KANK1: variants seen among roughly 807,000 people sequenced by gnomAD.
KANK1 encodes the protein KN motif and ankyrin repeat domain-containing protein 1.
Under a neutral mutation model 106.2 loss-of-function variants are expected in KANK1, and 109 were observed. The observed-to-expected ratio is 1.03, with a 90% confidence interval of 0.88 to 1.20. KANK1 has a LOEUF of 1.20. Among genes scored for constraint, KANK1 ranks in the 50% most tolerant of loss-of-function variants. The pLI, the probability that KANK1 is intolerant of heterozygous loss-of-function variation, is 0.00. For synonymous variants in KANK1, 873 were observed against 652.2 expected, an observed-to-expected ratio of 1.34 and a Z score of -5.16; for missense variants, 2,399 against 1,710.7, an observed-to-expected ratio of 1.40 and a Z score of -7.10.
chr9:683,051 C>A (rs1817884752), intron 2 of KANK1, among the ~76,000 whole-genome samples: 1 of 152,132 alleles, frequency 6.6e-6, no homozygotes, highest in Non-Finnish European at 1.5e-5. Context: ...TGGCTAGAAC[C>A]CACCTGGTGT....
At chr9:740,658 G>C (rs1272423813) in intron 8 of KANK1, 134 bp from the exon 9 acceptor site, 5 of 968,142 alleles carry the variant, frequency 5.2e-6, no homozygotes, top group Non-Finnish European at 7.6e-6. Context: ...TTCCTTCTAA[G>C]TCACTCTTGG....
chr9:712,989 G>A lies in KANK1; in HGVS notation c.2223G>A (p.Leu741=). ...CGCGGTCCATTGGTGTTGGAACGTTGCTTTCTGGCCATTCTGGGTTTGACA... is the reference window on the plus strand; with the variant it reads ...CGCGGTCCATTGGTGTTGGAACGTTACTTTCTGGCCATTCTGGGTTTGACA... ...TKTRSIGVGT[L]LSGHSGFDRP... The change falls in exon 3 of 12, where the codon TTG becomes TTA. Residue 741 remains leucine, a synonymous_variant. Coordinates refer to ENST00000382297, the MANE Select transcript of KANK1 (RefSeq NM_015158.5). 1 of 1,614,218 alleles carries A rather than the reference G, an allele frequency of 6.2e-7. No homozygotes were observed. The highest frequency in any genetic ancestry group is 1.3e-5 in the African/African-American group (1 of 75,062).
chr9:486,351 C>T (rs1282005607), intron 3 of KANK1, among the ~76,000 whole-genome samples: 1 of 152,170 alleles, frequency 6.6e-6, no homozygotes, highest in African/African-American at 2.4e-5. Context: ...TAATCATCAT[C>T]GTCGTCATGA....
At chr9:688,925 C>T (rs1819206431) in intron 2 of KANK1, among the ~76,000 whole-genome samples, 1 of 152,174 alleles carries the variant, frequency 6.6e-6, no homozygotes, top group African/African-American at 2.4e-5. Context: ...GCCTGCTTTC[C>T]TTCTTTCCCA....
chr9:657,328 G>A (rs1842366847), intron 1 of KANK1, among the ~76,000 whole-genome samples: 1 of 152,146 alleles, frequency 6.6e-6, no homozygotes, highest in Non-Finnish European at 1.5e-5. Context: ...ATTCTGTAGT[G>A]AACATGGGGA....
rs991632178 is a variant in KANK1, at chr9:684,326, C to G, written c.37+7317C>G. The G allele has an allele frequency of 7.1e-6, 7 of 985,250 alleles. No individual in the cohort carries two copies. In the African/African-American group the frequency reaches 1.2e-4, roughly 17 times the overall value. 61.0% of individuals were successfully genotyped at this position (985,250 alleles called of 1,614,324 possible). A position where few individuals can be genotyped will look rare whatever the true frequency, so the allele number is the denominator to read the frequency against. ...AAGGAGAAAAATCTGTGCTCCTGCTCCTGGGTACTGGGCAAAGAAACCCTT... is the reference window on the plus strand; with the variant it reads ...AAGGAGAAAAATCTGTGCTCCTGCTGCTGGGTACTGGGCAAAGAAACCCTT... On this transcript the variant is annotated intron_variant, in intron 2 of 11. Coordinates refer to ENST00000382297, the MANE Select transcript of KANK1 (RefSeq NM_015158.5).
Position 518,857 on chromosome 9 carries a change from G to A in KANK1, c.-84+14103G>A, listed in dbSNP as rs917830055. Among the ~76,000 whole-genome samples, 10 of 151,308 alleles carry A rather than the reference G, an allele frequency of 6.6e-5. 1 individual carries two copies. The highest frequency in any genetic ancestry group is 1.2e-4 in the African/African-American group (5 of 40,834). ...TTGTAGGAAACCACAACTCCATGAA[G>A]CCTATATGGAGTTTCTTAGCATTGT... On this transcript the variant is annotated intron_variant, in intron 1 of 11. Coordinates refer to ENST00000382297, the MANE Select transcript of KANK1 (RefSeq NM_015158.5).
chr9:558,342 C>T (rs569947478), intron 1 of KANK1, among the ~76,000 whole-genome samples: 20 of 152,306 alleles, frequency 1.3e-4, no homozygotes, highest in Middle Eastern at 3.4e-3. Flanking sequence ...TCGCTGTGGA[C>T]ATAATTAGTG....
At chr9:488,826 A>T (rs1172047792) in intron 3 of KANK1, 6 of 152,204 alleles carry the variant, frequency 3.9e-5, no homozygotes, top group Admixed American at 1.3e-4. Context: ...GTATTTTACA[A>T]ACCAAATATT....
chr9:561,223 G>T (rs1816343459), intron 1 of KANK1, among the ~76,000 whole-genome samples: 1 of 152,106 alleles, frequency 6.6e-6, no homozygotes, highest in Non-Finnish European at 1.5e-5. Context: ...ACATAAGAAG[G>T]ATATGTTTTT....
At chr9:652,120 G>A (rs934294600) in intron 1 of KANK1, among the ~76,000 whole-genome samples, 5 of 152,114 alleles carry the variant, frequency 3.3e-5, no homozygotes, top group Non-Finnish European at 5.9e-5. Context: ...TCATCTCACA[G>A]ATTCATTTCT....
At chr9:660,145 T>A (rs1156506288) in intron 1 of KANK1, 1 of 343,052 alleles carries the variant, frequency 2.9e-6, no homozygotes. Context: ...CTGCTGATGA[T>A]TATGATAAAA....
chr9:507,648 C>T (rs1404849875), intron 1 of KANK1, among the ~76,000 whole-genome samples: 3 of 151,566 alleles, frequency 2.0e-5, no homozygotes, highest in Non-Finnish European at 4.4e-5. Context: ...CCTCCGCCTC[C>T]TGGGTTCAAG....
chr9:718,042 G>T (rs894948146), intron 3 of KANK1, among the ~76,000 whole-genome samples: 4 of 152,188 alleles, frequency 2.6e-5, no homozygotes, highest in African/African-American at 9.7e-5. Context: ...GTAGACAAGA[G>T]ATCTGAGCCA....
At chr9:633,920 G>A (rs572536412) in intron 1 of KANK1, among the ~76,000 whole-genome samples, 58 of 152,280 alleles carry the variant, frequency 3.8e-4, no homozygotes, top group African/African-American at 1.3e-3. Context: ...CACAGTGCTG[G>A]GATTATAGGC....
Position 740,857 on chromosome 9 carries a change from G to A in KANK1, c.3619G>A (p.Ala1207Thr), listed in dbSNP as rs148917415. 28 of 1,613,694 alleles carry A rather than the reference G, an allele frequency of 1.7e-5. 1 individual carries two copies. The highest frequency in any genetic ancestry group is 1.3e-4 in the East Asian group (6 of 44,860). ...YTPIMLAALA[A>T]VEAEKDMRIV... ...CCCCATCATGTTGGCGGCCCTCGCC[G>A]CTGTGGAAGCAGAGAAGGACATGCG... The change falls in exon 9 of 12, where the codon GCT becomes ACT. Residue 1207 changes from alanine to threonine, a missense_variant. Transcript: ENST00000382297.
intron 1 of KANK1, among the ~76,000 whole-genome samples, chr9:545,661 T>C (rs2060881537): frequency 6.6e-6 from 1 of 151,656 alleles, no homozygotes; most frequent in Non-Finnish European, 1.5e-5. Context: ...AACAAGAACT[T>C]TCAGGGACTT....
chr9:474,606 A>G (rs991703941), intron 3 of KANK1, among the ~76,000 whole-genome samples: 1 of 152,128 alleles, frequency 6.6e-6, no homozygotes, highest in African/African-American at 2.4e-5. Context: ...CTAAAAAAGT[A>G]TATGTGTGTA....
chr9:594,615 A>G (rs1375570260), intron 1 of KANK1, among the ~76,000 whole-genome samples: 3 of 151,894 alleles, frequency 2.0e-5, no homozygotes, highest in Admixed American at 2.0e-4. Flanking sequence ...TATATTTTGT[A>G]AAATGTCTTA....
Sources: allele counts gnomAD v4.1 joint callset (sites outside exome capture counted in the v4.1 genomes callset), GRCh38; gene constraint gnomAD v4.1.1; transcripts MANE v1.5; gene names NCBI Gene and HGNC (gene_info 2026-07-23, HGNC 2026-07-21).